The following KIAA1217 variants were observed in gnomAD, a reference collection of about 807,000 sequenced individuals.
KIAA1217 encodes the protein KIAA1217.
Under a neutral mutation model 163.9 loss-of-function variants are expected in KIAA1217, and 88 were observed. The ratio of observed to expected loss-of-function variants is 0.54; its 90% CI spans 0.45 to 0.64. The LOEUF is 0.64. Ranked by LOEUF, KIAA1217 falls within the 30% of genes least tolerant of loss-of-function variation. The pLI is 0.00. For synonymous variants in KIAA1217, 903 were observed against 923.1 expected (o/e 0.98, Z 0.39); for missense variants, 2,372 against 2,475.0 (o/e 0.96, Z 0.88).
At position 24,421,376 on chromosome 10, in the gene KIAA1217, A is replaced by G. The variant is rs79543734; in HGVS notation, c.554-11619A>G. On this transcript the variant is annotated intron_variant, in intron 3 of 20. Coordinates refer to ENST00000376454, the MANE Select transcript of KIAA1217 (RefSeq NM_019590.5). Reference sequence around the variant, plus strand: ...TATTTCAGGTTGCTGTCAATCCTATATATTGATCCTGTATCATTCAGTTAT... The same window carrying G: ...TATTTCAGGTTGCTGTCAATCCTATGTATTGATCCTGTATCATTCAGTTAT... 7.4e-3 allele frequency among the ~76,000 whole-genome samples: 1,133 copies of G among 152,318 alleles called. 5 individuals carry two copies. Among genetic ancestry groups the G allele is most frequent in the Non-Finnish European group, 0.011 (776 of 68,024 alleles).
At chr10:24,484,101 G>T (rs925935145) in intron 6 of KIAA1217, among the ~76,000 whole-genome samples, 4 of 150,064 alleles carry the variant, frequency 2.7e-5, no homozygotes, top group African/African-American at 9.8e-5. Flanking sequence ...AGAGTTCTGT[G>T]CAATTTTTAT....
intron 1 of KIAA1217, among the ~76,000 whole-genome samples, chr10:23,863,444 A>C (rs2131140702): frequency 6.6e-6 from 1 of 152,214 alleles, no homozygotes; most frequent in Middle Eastern, 3.4e-3. Context: ...ACCCTTTCAA[A>C]AGAGGCTTCA....
At chr10:23,984,676 A>G (rs956763772) in intron 1 of KIAA1217, among the ~76,000 whole-genome samples, 5 of 151,292 alleles carry the variant, frequency 3.3e-5, no homozygotes, top group African/African-American at 1.2e-4. Flanking sequence ...GAAAACAAAC[A>G]CCACATGTTC....
At chr10:24,184,874 G>C (rs943033373) in intron 2 of KIAA1217, among the ~76,000 whole-genome samples, 4 of 152,132 alleles carry the variant, frequency 2.6e-5, no homozygotes, top group African/African-American at 9.7e-5. Context: ...GGAGAATTCT[G>C]CTCTTGGTTG....
At chr10:24,120,047 G>T (rs1015483192) in intron 2 of KIAA1217, among the ~76,000 whole-genome samples, 1 of 152,196 alleles carries the variant, frequency 6.6e-6, no homozygotes, top group Non-Finnish European at 1.5e-5. Context: ...CGACCTCCAA[G>T]AAACATGATT....
chr10:23,993,553 C>CTTT (rs200437343), intron 1 of KIAA1217, among the ~76,000 whole-genome samples: 8 of 68,936 alleles, frequency 1.2e-4, no homozygotes, highest in East Asian at 6.3e-4. Flanking sequence ...CATAGCCCAG[C>CTTT]TTTTTTTTTT....
At chr10:24,009,018 A>G (rs181515334) in intron 2 of KIAA1217, among the ~76,000 whole-genome samples, 3 of 152,338 alleles carry the variant, frequency 2.0e-5, no homozygotes, top group Non-Finnish European at 2.9e-5. Flanking sequence ...TGCATAGTTC[A>G]TTACAAAGTC....
Position 24,544,126 on chromosome 10 carries a change from A to C in KIAA1217, c.4856A>C (p.Glu1619Ala). 6.2e-7 allele frequency: 1 copy of C among 1,614,170 alleles called. No individual in the cohort carries two copies. The highest frequency in any genetic ancestry group is 8.5e-7 in the Non-Finnish European group (1 of 1,180,042). Residue 1619 changes from glutamate to alanine, a missense_variant, in exon 19 of 21, where the codon GAA becomes GCA. Physicochemically the swap from Glu to Ala is moderately radical, Grantham distance 107. This residue lies in a region of KIAA1217 where 690 missense variants were observed against 677.5 expected (regional missense o/e 1.02). Coordinates refer to ENST00000376454, the MANE Select transcript of KIAA1217 (RefSeq NM_019590.5). The stretch of plus-strand genomic sequence containing the variant: ...GATGGCACCCTGAAACAGCACAAAG[A>C]AGCCAAGCGCTTCGAAATCGCTAGG... Reference protein sequence around the residue: ...EEDGTLKQHKEAKRFEIARSQ... With the variant: ...EEDGTLKQHKAAKRFEIARSQ...
chr10:24,468,858 A>G (rs961845526), intron 5 of KIAA1217, among the ~76,000 whole-genome samples: 1 of 152,232 alleles, frequency 6.6e-6, no homozygotes, highest in East Asian at 1.9e-4. Context: ...TTCTAATCTC[A>G]TCTATACATA....
chr10:24,271,518 A>T (rs749447866), intron 2 of KIAA1217, among the ~76,000 whole-genome samples: 2 of 152,136 alleles, frequency 1.3e-5, no homozygotes, highest in Non-Finnish European at 2.9e-5. Flanking sequence ...TGGGAGGCCG[A>T]GGTGGGTAGA....
At chr10:24,490,701 C>CA (rs2065993297) in intron 6 of KIAA1217, among the ~76,000 whole-genome samples, 1 of 152,154 alleles carries the variant, frequency 6.6e-6, no homozygotes, top group Non-Finnish European at 1.5e-5. Context: ...GTAGAGCATA[C>CA]ACTTGTATTC....
At chr10:24,071,279 T>C (rs2061177257) in intron 2 of KIAA1217, among the ~76,000 whole-genome samples, 1 of 152,198 alleles carries the variant, frequency 6.6e-6, no homozygotes, top group Admixed American at 6.5e-5. Flanking sequence ...TTGTGAAAAC[T>C]TCATTGGGAA....
At chr10:24,322,927 C>A (rs1044984537) in intron 2 of KIAA1217, among the ~76,000 whole-genome samples, 6 of 152,078 alleles carry the variant, frequency 3.9e-5, no homozygotes, top group African/African-American at 1.2e-4. Flanking sequence ...TACAAGTGAT[C>A]ATTTCTTTTT....
chr10:23,982,625 G>A (rs565985094), intron 1 of KIAA1217, among the ~76,000 whole-genome samples: 32 of 145,976 alleles, frequency 2.2e-4, no homozygotes, highest in Non-Finnish European at 1.6e-4. Context: ...GTGCAATGGC[G>A]TGGTCTCGGC....
intron 2 of KIAA1217, among the ~76,000 whole-genome samples, chr10:24,109,537 G>T (rs2131739441): frequency 6.6e-6 from 1 of 152,230 alleles, no homozygotes; most frequent in South Asian, 2.1e-4. Flanking sequence ...AAAATGAACA[G>T]ATGGAAACTG....
At chr10:24,451,411 C>T (rs567555368) in intron 5 of KIAA1217, among the ~76,000 whole-genome samples, 1 of 152,342 alleles carries the variant, frequency 6.6e-6, no homozygotes, top group Admixed American at 6.5e-5. Context: ...AGAGCCCGAA[C>T]TTCACCTTCA....
intron 2 of KIAA1217, among the ~76,000 whole-genome samples, chr10:24,134,614 T>G (rs2063768806): frequency 6.6e-6 from 1 of 152,156 alleles, no homozygotes. Context: ...CACTCTGTTC[T>G]CCAAGCTGGA....
chr10:23,775,029 A>C (rs1463796994), intron 1 of KIAA1217, among the ~76,000 whole-genome samples: 2 of 152,142 alleles, frequency 1.3e-5, no homozygotes, highest in East Asian at 3.9e-4. Context: ...ATCTTGGTGC[A>C]TGATGCCAAG....
intron 2 of KIAA1217, among the ~76,000 whole-genome samples, chr10:24,223,711 CTTTTTTTT>C (rs535787368): frequency 7.8e-6 from 1 of 128,514 alleles, no homozygotes; most frequent in Non-Finnish European, 1.7e-5. Flanking sequence ...AATCTAGGTT[CTTTTTTTT>C]TTTTTTTTTT....
Sources: allele counts gnomAD v4.1 joint callset (sites outside exome capture counted in the v4.1 genomes callset), GRCh38; gene constraint gnomAD v4.1.1; regional missense constraint gnomAD v4.1.1; transcripts MANE v1.5; gene names NCBI Gene and HGNC (gene_info 2026-07-23, HGNC 2026-07-21).